Variants in ERP44 observed in about 807,000 individuals in gnomAD.
ERP44 encodes the protein endoplasmic reticulum protein 44.
ERP44 carries 25 observed loss-of-function variants against 53.4 expected under a neutral mutation model. The observed-to-expected ratio is 0.47, with a 90% CI of 0.34 to 0.65. The LOEUF is 0.65. ERP44 is among the 30% of genes least tolerant of loss of function. ERP44 has a pLI of 0.01. For synonymous variants in ERP44, 145 were observed against 161.2 expected (o/e 0.90, Z 0.76); for missense variants, 338 against 493.2 (o/e 0.69, Z 2.98).
chr9:100,016,199 A>G, intron 8 of ERP44, 123 bp downstream of exon 8: 1 of 1,389,592 alleles, frequency 7.2e-7, no homozygotes, highest in African/African-American at 1.5e-5. Flanking sequence ...GCTATGATAT[A>G]GTTATGTTCA....
chr9:100,092,825 G>A (rs1394312770), intron 1 of ERP44, among the ~76,000 whole-genome samples: 5 of 152,282 alleles, frequency 3.3e-5, no homozygotes, highest in African/African-American at 1.2e-4. Context: ...CTAGTAAATT[G>A]GCACAGATTA....
At chr9:99,991,420 G>T (rs71592881) in intron 10 of ERP44, among the ~76,000 whole-genome samples, 1 of 152,074 alleles carries the variant, frequency 6.6e-6, no homozygotes, top group Non-Finnish European at 1.5e-5. Flanking sequence ...ATGACTACTG[G>T]GTAAATCACA....
At chr9:100,079,453 CACAG>C (rs1054115021) in intron 1 of ERP44, among the ~76,000 whole-genome samples, 2 of 149,930 alleles carry the variant, frequency 1.3e-5, no homozygotes, top group South Asian at 2.1e-4. Context: ...CACACACACA[CACAG>C]ACACCCTATT....
At chr9:100,081,702 A>T (rs1332088579) in intron 1 of ERP44, among the ~76,000 whole-genome samples, 1 of 152,194 alleles carries the variant, frequency 6.6e-6, no homozygotes, top group Non-Finnish European at 1.5e-5. Context: ...CCAAAGCCAT[A>T]ATCACGTCTA....
intron 4 of ERP44, among the ~76,000 whole-genome samples, chr9:100,030,580 T>C (rs1189817954): frequency 1.3e-5 from 2 of 152,198 alleles, no homozygotes; most frequent in African/African-American, 4.8e-5. Flanking sequence ...CCCCACTCAG[T>C]AAAGTTCCTC....
Position 100,057,839 on chromosome 9 carries a change from C to A in ERP44, c.151G>T (p.Val51Leu). ...ACTTACCAGTCAGCATAAAAATTTA[C>A]TAAAGCAACATCAGCATTGTCTGAA... Reference protein sequence around the residue: ...EILNNADVALVNFYADWCRFS... With the variant: ...EILNNADVALLNFYADWCRFS... Residue 51 changes from valine to leucine, a missense_variant, in exon 3 of 12, where the codon GTA (valine) becomes TTA (leucine). Physicochemically the swap from Val to Leu is conservative, Grantham distance 32 (BLOSUM62 1). Around this residue, in one of 3 missense-constraint regions of ERP44, gnomAD observed 224 missense variants for 301.4 expected, o/e 0.74. Coordinates refer to ENST00000262455, the MANE Select transcript of ERP44 (RefSeq NM_015051.3). 1 of 1,605,336 alleles carries A rather than the reference C, an allele frequency of 6.2e-7. No individual in the cohort carries two copies. The highest frequency in any genetic ancestry group is 8.5e-7 in the Non-Finnish European group (1 of 1,175,390).
chr9:100,049,295 G>C (rs1338909245), intron 4 of ERP44, among the ~76,000 whole-genome samples: 1 of 152,146 alleles, frequency 6.6e-6, no homozygotes, highest in Non-Finnish European at 1.5e-5. Context: ...TACTTGGGGG[G>C]CTGTGGTGGA....
intron 4 of ERP44, among the ~76,000 whole-genome samples, chr9:100,047,543 T>A (rs1825986914): frequency 6.6e-6 from 1 of 152,144 alleles, no homozygotes; most frequent in African/African-American, 2.4e-5. Context: ...CTTACCTTGT[T>A]CCATACACAA....
chr9:100,004,319 C>T (rs1432733253), intron 10 of ERP44, among the ~76,000 whole-genome samples: 1 of 152,188 alleles, frequency 6.6e-6, no homozygotes, highest in Non-Finnish European at 1.5e-5. Flanking sequence ...TGAGTGCTAG[C>T]CTCATGATCA....
At chr9:100,043,258 C>CAAAAAAAAAAAAAAA (rs56066117) in intron 4 of ERP44, among the ~76,000 whole-genome samples, 4 of 20,270 alleles carry the variant, frequency 2.0e-4, no homozygotes, top group East Asian at 3.8e-3. Flanking sequence ...GACTCTGTCT[C>CAAAAAAAAAAAAAAA]AAAAAAAAAA....
chr9:100,060,301 T>C (rs1826131427), intron 1 of ERP44, 129 bp from the exon 2 acceptor site: 1 of 1,037,590 alleles, frequency 9.6e-7, no homozygotes, highest in African/African-American at 1.7e-5. Context: ...GAATTGAATC[T>C]TTATTATCTA....
At chr9:100,089,789 C>T (rs542011183) in intron 1 of ERP44, among the ~76,000 whole-genome samples, 2 of 152,028 alleles carry the variant, frequency 1.3e-5, no homozygotes, top group East Asian at 3.9e-4. Context: ...TCTTACTGTG[C>T]CTAATTTATA....
intron 3 of ERP44, among the ~76,000 whole-genome samples, chr9:100,056,251 T>C (rs1423916507): frequency 2.6e-5 from 4 of 152,168 alleles, no homozygotes; most frequent in Admixed American, 6.5e-5. Context: ...TCTACCAAAT[T>C]TTTTGGCTAT....
At chr9:100,043,291 A>AGAAAAAAAAAAAAAAAAAAAAAAAG (rs1554708805) in intron 4 of ERP44, among the ~76,000 whole-genome samples, 1 of 74,878 alleles carries the variant, frequency 1.3e-5, no homozygotes, top group African/African-American at 5.8e-5. Flanking sequence ...AAAAAAAAAA[A>AGAAAAAAAAAAAAAAAAAAAAAAAG]GATAAATAAG....
chr9:100,079,086 T>A lies in ERP44; in HGVS notation c.58-18914A>T, dbSNP rs1451698595. On this transcript the variant is annotated intron_variant, in intron 1 of 11. Transcript: ENST00000262455. Reference sequence around the variant, plus strand: ...ATGCAAAGTATTAATCTTGGGTATGTCTGTGATGGTGTTGCCAAAGGAGAT... The same window carrying A: ...ATGCAAAGTATTAATCTTGGGTATGACTGTGATGGTGTTGCCAAAGGAGAT... 1.3e-5 allele frequency among the ~76,000 whole-genome samples: 2 copies of A among 152,136 alleles called. 1 individual carries two copies. The highest frequency in any genetic ancestry group is 3.9e-4 in the East Asian group (2 of 5,186).
intron 1 of ERP44, among the ~76,000 whole-genome samples, chr9:100,065,421 A>G (rs1826199710): frequency 1.3e-5 from 2 of 152,204 alleles, no homozygotes; most frequent in Admixed American, 6.5e-5. Flanking sequence ...TATCCCCGTC[A>G]TCATGCCATG....
intron 1 of ERP44, among the ~76,000 whole-genome samples, chr9:100,072,508 A>G (rs182520358): frequency 6.6e-6 from 1 of 152,256 alleles, no homozygotes; most frequent in East Asian, 1.9e-4. Flanking sequence ...TAAAAAACAA[A>G]AAAGTTCTCT....
chr9:100,000,747 A>G (rs538376971), intron 10 of ERP44, among the ~76,000 whole-genome samples: 2 of 151,776 alleles, frequency 1.3e-5, no homozygotes, highest in Admixed American at 1.3e-4. Flanking sequence ...ATTTTTTGAG[A>G]CTTCTCTCTT....
At chr9:100,032,862 T>A (rs1174499669) in intron 4 of ERP44, among the ~76,000 whole-genome samples, 1 of 152,200 alleles carries the variant, frequency 6.6e-6, no homozygotes, top group African/African-American at 2.4e-5. Context: ...CATTCAGGAC[T>A]CATGGAGAGC....
Sources: gnomAD v4.1 joint callset for allele counts (sites outside exome capture counted in the v4.1 genomes callset) on GRCh38, gnomAD v4.1.1 for gene constraint, gnomAD v4.1.1 regional missense constraint, MANE v1.5 for transcripts, NCBI Gene and HGNC (gene_info 2026-07-23, HGNC 2026-07-21) for gene names.